The following ABHD17C variants were observed in gnomAD, a reference collection of about 807,000 sequenced individuals.
ABHD17C encodes abhydrolase domain containing 17C, depalmitoylase, also known as alpha/beta hydrolase domain-containing protein 17C.
In ABHD17C, 11 loss-of-function variants were observed where a neutral mutation model predicts 27.9. The ratio of observed to expected loss-of-function variants is 0.39; its 90% CI spans 0.25 to 0.65. ABHD17C has a LOEUF of 0.65. Among genes scored for constraint, ABHD17C ranks in the 30% least tolerant of loss-of-function variants. ABHD17C has a pLI of 0.45. For synonymous variants in ABHD17C, 233 were observed against 209.1 expected (o/e 1.11, Z -0.98); for missense variants, 280 against 470.2 (o/e 0.60, Z 3.74).
At position 80,718,159 on chromosome 15, in the gene ABHD17C, A is replaced by G. The variant is rs148699329; in HGVS notation, c.590+22140A>G. Among the ~76,000 whole-genome samples the G allele has an allele frequency of 2.6e-3, 392 of 152,330 alleles. 2 individuals carry two copies. Among genetic ancestry groups the G allele is most frequent in the African/African-American group, 9.0e-3 (376 of 41,586 alleles). On this transcript the variant is annotated intron_variant, in intron 1 of 2. Coordinates refer to ENST00000258884, the MANE Select transcript of ABHD17C (RefSeq NM_021214.2). The stretch of plus-strand genomic sequence containing the variant: ...CACTGCCCGTGTAAGCTTTTCTAAC[A>G]GTCCCATGCTTTTGATCAATTATAA...
chr15:80,746,564 G>C (rs376073639), intron 1 of ABHD17C, among the ~76,000 whole-genome samples: 1 of 152,150 alleles, frequency 6.6e-6, no homozygotes, highest in African/African-American at 2.4e-5. Flanking sequence ...TGTAGACACT[G>C]GTACTGGGTG....
chr15:80,746,268 A>G (rs957916334), intron 1 of ABHD17C, among the ~76,000 whole-genome samples: 6 of 146,346 alleles, frequency 4.1e-5, no homozygotes, highest in South Asian at 2.2e-4. Context: ...GTGAAATTCT[A>G]TTTTTCTTGT....
intron 1 of ABHD17C, among the ~76,000 whole-genome samples, chr15:80,708,294 TTTTG>T (rs1399832271): frequency 2.0e-5 from 3 of 147,314 alleles, no homozygotes. Flanking sequence ...TTCTCTATTT[TTTTG>T]TTTTGTTTTG....
At chr15:80,734,468 T>C (rs183602216) in intron 1 of ABHD17C, among the ~76,000 whole-genome samples, 76 of 152,364 alleles carry the variant, frequency 5.0e-4, no homozygotes, top group African/African-American at 1.6e-3. Flanking sequence ...AACAGTTTCA[T>C]GCACAATTAT....
intron 1 of ABHD17C, among the ~76,000 whole-genome samples, chr15:80,730,500 C>T (rs912312287): frequency 6.6e-6 from 1 of 152,234 alleles, no homozygotes; most frequent in Admixed American, 6.5e-5. Context: ...CGCAGTTCTA[C>T]TTCTGTAGCT....
intron 1 of ABHD17C, among the ~76,000 whole-genome samples, chr15:80,721,092 A>G (rs1175317463): frequency 1.3e-5 from 2 of 151,120 alleles, no homozygotes; most frequent in African/African-American, 4.9e-5. Context: ...TGACCTCTGG[A>G]TTTTCCTTGT....
chr15:80,699,053 C>T (rs1475395091), intron 1 of ABHD17C, among the ~76,000 whole-genome samples: 1 of 152,230 alleles, frequency 6.6e-6, no homozygotes, highest in Non-Finnish European at 1.5e-5. Flanking sequence ...TGCCCTTCTC[C>T]TGTGCTAGGA....
intron 1 of ABHD17C, among the ~76,000 whole-genome samples, chr15:80,746,989 G>C (rs1895296465): frequency 6.6e-6 from 1 of 152,080 alleles, no homozygotes; most frequent in African/African-American, 2.4e-5. Context: ...TTTTTACCTG[G>C]AAGTCTTTTA....
intron 1 of ABHD17C, among the ~76,000 whole-genome samples, chr15:80,729,910 A>G (rs1895034609): frequency 6.6e-6 from 1 of 152,046 alleles, no homozygotes; most frequent in Non-Finnish European, 1.5e-5. Context: ...TCAGGAGTTC[A>G]AGATCAGCCT....
At chr15:80,712,903 T>C (rs1392680594) in intron 1 of ABHD17C, among the ~76,000 whole-genome samples, 3 of 152,182 alleles carry the variant, frequency 2.0e-5, no homozygotes, top group Middle Eastern at 3.2e-3. Context: ...TGTTGTTTAT[T>C]AAAAACAAAA....
intron 1 of ABHD17C, among the ~76,000 whole-genome samples, chr15:80,714,965 A>G (rs886253565): frequency 2.0e-5 from 3 of 152,230 alleles, no homozygotes; most frequent in African/African-American, 7.2e-5. Context: ...AATCTTCTGC[A>G]GTATAAAAAA....
intron 1 of ABHD17C, among the ~76,000 whole-genome samples, chr15:80,742,450 A>G (rs952144371): frequency 2.0e-5 from 3 of 152,220 alleles, no homozygotes. Flanking sequence ...CAGCTCAAGA[A>G]GAGAGAGATA....
intron 1 of ABHD17C, among the ~76,000 whole-genome samples, chr15:80,711,224 T>G (rs1315851257): frequency 6.6e-6 from 1 of 151,932 alleles, no homozygotes; most frequent in East Asian, 1.9e-4. Flanking sequence ...CACCAGGCCT[T>G]TAAAAGAACC....
At chr15:80,707,315 T>A (rs1347637735) in intron 1 of ABHD17C, among the ~76,000 whole-genome samples, 1 of 152,228 alleles carries the variant, frequency 6.6e-6, no homozygotes, top group African/African-American at 2.4e-5. Context: ...TAAAGTCTGT[T>A]GGATCTGCAG....
chr15:80,728,407 C>G (rs1368615017), intron 1 of ABHD17C, among the ~76,000 whole-genome samples: 3 of 152,196 alleles, frequency 2.0e-5, no homozygotes, highest in Non-Finnish European at 2.9e-5. Flanking sequence ...TTGGTCTGAC[C>G]TGATCAAGCA....
intron 1 of ABHD17C, among the ~76,000 whole-genome samples, chr15:80,710,339 G>A (rs1483728086): frequency 1.3e-5 from 2 of 152,154 alleles, no homozygotes; most frequent in African/African-American, 2.4e-5. Context: ...GTCACATAGG[G>A]CCTTGCAGAC....
In ABHD17C at chr15:80,741,405, C is replaced by T. The variant is rs186076608; in HGVS notation, c.591-8108C>T. 2.8e-3 allele frequency among the ~76,000 whole-genome samples: 421 copies of T among 148,692 alleles called. 1 individual carries two copies. The highest frequency in any genetic ancestry group is 0.027 in the Admixed American group (377 of 14,100). The stretch of plus-strand genomic sequence containing the variant: ...AGAAGATTTGTTCTTACTGTAGATC[C>T]TACCAACTTTGGCAGCAGTTGTCTT... On this transcript the variant is annotated intron_variant, in intron 1 of 2. Coordinates refer to ENST00000258884, the MANE Select transcript of ABHD17C (RefSeq NM_021214.2).
chr15:80,719,968 T>G (rs144225628), intron 1 of ABHD17C, among the ~76,000 whole-genome samples: 169 of 152,212 alleles, frequency 1.1e-3, no homozygotes, highest in Non-Finnish European at 1.8e-3. Flanking sequence ...CAACCAATTT[T>G]TTTGTATTCT....
rs919187088 is a variant in ABHD17C, at chr15:80,695,371, C to A, written c.-59C>A. 354 of 1,121,288 alleles carry A rather than the reference C, an allele frequency of 3.2e-4. No homozygotes were observed. Among genetic ancestry groups the A allele is most frequent in the Non-Finnish European group, 3.7e-4 (337 of 904,570 alleles). 69.5% of individuals were successfully genotyped at this position (1,121,288 alleles called of 1,614,324 possible). A position where few individuals can be genotyped will look rare whatever the true frequency, so the allele number is the denominator to read the frequency against. Reference sequence around the variant, plus strand: ...CCTCGCCGCGCGTCCGTCCTCCGTCCTCCCGGGCCAGCCAGCCAGCCAGCC... The same window carrying A: ...CCTCGCCGCGCGTCCGTCCTCCGTCATCCCGGGCCAGCCAGCCAGCCAGCC... On this transcript the variant is annotated 5_prime_UTR_variant, in exon 1 of 3. Transcript: ENST00000258884. The surrounding 1 kb of genome is among the most constrained non-coding windows in gnomAD (Gnocchi z 4.3).
Sources: gnomAD v4.1 joint callset for allele counts (sites outside exome capture counted in the v4.1 genomes callset) on GRCh38, gnomAD v4.1.1 for gene constraint, Gnocchi (gnomAD v3.1) non-coding constraint, MANE v1.5 for transcripts, NCBI Gene and HGNC (gene_info 2026-07-23, HGNC 2026-07-21) for gene names.